MAP6: variants seen among roughly 807,000 people sequenced by gnomAD.
MAP6 encodes the protein microtubule-associated protein 6.
MAP6 carries 26 observed loss-of-function variants against 42.4 expected under a neutral mutation model. The ratio of observed to expected loss-of-function variants is 0.61; its 90% CI spans 0.45 to 0.85. The LOEUF is 0.85. MAP6 is among the 40% of genes least tolerant of loss of function. The pLI is 0.00. For missense variants in MAP6, 966 were observed against 1,099.0 expected (o/e 0.88, Z 1.71); for synonymous variants, 418 against 443.8 (o/e 0.94, Z 0.73).
intron 3 of MAP6, among the ~76,000 whole-genome samples, chr11:75,593,566 G>T (rs1254689954): frequency 6.6e-6 from 1 of 152,172 alleles, no homozygotes; most frequent in African/African-American, 2.4e-5. Flanking sequence ...CATCCACGTG[G>T]TTTTTTTCTT....
intron 1 of MAP6, among the ~76,000 whole-genome samples, chr11:75,662,469 C>T (rs1943869413): frequency 6.6e-6 from 1 of 152,142 alleles, no homozygotes; most frequent in Non-Finnish European, 1.5e-5. Context: ...AACTCAATAG[C>T]TTAAAGATGG....
At chr11:75,593,577 C>T (rs1213442984) in intron 3 of MAP6, among the ~76,000 whole-genome samples, 3 of 152,164 alleles carry the variant, frequency 2.0e-5, no homozygotes, top group Non-Finnish European at 4.4e-5. Context: ...TTTTTTTCTT[C>T]CCAGATTGTC....
chr11:75,605,613 T>G, intron 3 of MAP6, 195 bp downstream of exon 3: 1 of 1,380,034 alleles, frequency 7.2e-7, no homozygotes, highest in Non-Finnish European at 9.4e-7. Context: ...GGAGGAGGCC[T>G]GCCACTCAGT....
intron 1 of MAP6, among the ~76,000 whole-genome samples, chr11:75,640,388 G>C (rs1423012014): frequency 2.0e-5 from 3 of 152,186 alleles, no homozygotes; most frequent in Non-Finnish European, 4.4e-5. Context: ...AAAGGGAAGG[G>C]AATAGTTTAC....
Position 75,668,077 on chromosome 11 carries a change from C to T in MAP6, c.293G>A (p.Gly98Asp). 8.2e-7 allele frequency: 1 copy of T among 1,221,630 alleles called. No individual in the cohort carries two copies. Among genetic ancestry groups the T allele is most frequent in the South Asian group, 3.9e-5 (1 of 25,490 alleles). 75.7% of individuals were successfully genotyped at this position (1,221,630 alleles called of 1,614,324 possible). ...GPTGEREPAA[G>D]PGRSGPGPGL... ...CGGGCCCGGCCCGCTCCGGCCGGGG[C>T]CCGCCGCCGGCTCGCGCTCGCCGGT... Residue 98 changes from glycine to aspartate, a missense_variant, in exon 1 of 4, where the codon GGC becomes GAC. Transcript: ENST00000304771.
intron 1 of MAP6, chr11:75,642,849 C>CA (rs901444322): frequency 1.3e-5 from 6 of 479,616 alleles, no homozygotes; most frequent in Non-Finnish European, 2.6e-5. Context: ...AAAGGAACAA[C>CA]ACACCTAAAT....
intron 3 of MAP6, among the ~76,000 whole-genome samples, chr11:75,589,637 C>T (rs1049387526): frequency 6.6e-6 from 1 of 152,198 alleles, no homozygotes; most frequent in Non-Finnish European, 1.5e-5. Context: ...CTCCTGGATC[C>T]TGTGCTCTTT....
intron 1 of MAP6, chr11:75,642,982 TG>T: frequency 2.6e-6 from 1 of 385,580 alleles, no homozygotes; most frequent in South Asian, 2.2e-5. Context: ...ATAATGTGAG[TG>T]ACTTCCTTGC....
intron 1 of MAP6, among the ~76,000 whole-genome samples, chr11:75,665,828 C>CT (rs1353150734): frequency 6.6e-6 from 1 of 152,102 alleles, no homozygotes; most frequent in African/African-American, 2.4e-5. Context: ...AAAGGAAGTG[C>CT]TGTACTCCTG....
chr11:75,621,811 T>C (rs1354098167), intron 1 of MAP6, among the ~76,000 whole-genome samples: 1 of 152,156 alleles, frequency 6.6e-6, no homozygotes, highest in Non-Finnish European at 1.5e-5. Context: ...TCACTTGAGG[T>C]CAGGAGTTCG....
chr11:75,589,209 A>G (rs1424847717), intron 3 of MAP6, among the ~76,000 whole-genome samples: 1 of 152,192 alleles, frequency 6.6e-6, no homozygotes, highest in African/African-American at 2.4e-5. Flanking sequence ...GTCTTTCATC[A>G]GAATCCTCAG....
In MAP6 at chr11:75,667,337, G is replaced by T; in HGVS notation, c.905+128C>A. 1.2e-6 allele frequency: 1 copy of T among 854,012 alleles called. No homozygotes were observed. The highest frequency in any genetic ancestry group is 1.6e-6 in the Non-Finnish European group (1 of 607,580). 52.9% of individuals were successfully genotyped at this position (854,012 alleles called of 1,614,324 possible). On this transcript the variant is annotated intron_variant, in intron 1 of 3. Coordinates refer to ENST00000304771, the MANE Select transcript of MAP6 (RefSeq NM_033063.2). The surrounding 1 kb of genome is among the most constrained non-coding windows in gnomAD (Gnocchi z 5.6). The stretch of plus-strand genomic sequence containing the variant: ...GGAGGTGGCCTGGGAGGCGGCTGGG[G>T]AGAGGGTGTGGCCTGGGACTGGAGG...
intron 1 of MAP6, among the ~76,000 whole-genome samples, chr11:75,626,561 T>C (rs1037111546): frequency 3.3e-5 from 5 of 152,228 alleles, no homozygotes; most frequent in African/African-American, 9.6e-5. Flanking sequence ...AATAATAATC[T>C]AAATTACAAA....
intron 1 of MAP6, among the ~76,000 whole-genome samples, chr11:75,641,497 A>C (rs947903626): frequency 2.0e-5 from 3 of 152,122 alleles, no homozygotes; most frequent in Non-Finnish European, 2.9e-5. Context: ...AAAAAAAAGA[A>C]ATTCCAATTT....
At chr11:75,589,029 A>T (rs750722736) in intron 3 of MAP6, among the ~76,000 whole-genome samples, 9 of 151,976 alleles carry the variant, frequency 5.9e-5, no homozygotes, top group Non-Finnish European at 1.0e-4. Context: ...CACCACTCCC[A>T]CTACCCCCAA....
At chr11:75,601,239 G>C (rs1942659140) in intron 3 of MAP6, among the ~76,000 whole-genome samples, 1 of 152,144 alleles carries the variant, frequency 6.6e-6, no homozygotes, top group Non-Finnish European at 1.5e-5. Context: ...GTCTTCATAT[G>C]TGTGCTTTCC....
At chr11:75,593,184 T>C (rs892162804) in intron 3 of MAP6, among the ~76,000 whole-genome samples, 6 of 152,246 alleles carry the variant, frequency 3.9e-5, no homozygotes, top group East Asian at 3.8e-4. Context: ...GCAGGGACCA[T>C]GTCAGTTTTG....
At chr11:75,651,014 T>A (rs978418033) in intron 1 of MAP6, among the ~76,000 whole-genome samples, 2 of 152,146 alleles carry the variant, frequency 1.3e-5, no homozygotes, top group African/African-American at 4.8e-5. Flanking sequence ...ACAATCCCCA[T>A]CATTATCATC....
chr11:75,621,047 C>T lies in MAP6; in HGVS notation c.906-12725G>A, dbSNP rs536518444. Among the ~76,000 whole-genome samples the T allele has an allele frequency of 2.7e-3, 408 of 151,772 alleles. 1 individual carries two copies. The highest frequency in any genetic ancestry group is 4.2e-3 in the Non-Finnish European group (283 of 67,974). On this transcript the variant is annotated intron_variant, in intron 1 of 3. Transcript: ENST00000304771. The stretch of plus-strand genomic sequence containing the variant: ...TTGGGAGGCTGAGGCAGGAGAATGG[C>T]GTGAACCCAGGAGGCGGAGCTTGCA...
Sources: allele counts gnomAD v4.1 joint callset (sites outside exome capture counted in the v4.1 genomes callset), GRCh38; gene constraint gnomAD v4.1.1; non-coding constraint Gnocchi (gnomAD v3.1); transcripts MANE v1.5; gene names NCBI Gene and HGNC (gene_info 2026-07-23, HGNC 2026-07-21).